The following SLC43A1 variants were observed in gnomAD, a reference collection of about 807,000 sequenced individuals.
The protein encoded by SLC43A1 is large neutral amino acids transporter small subunit 3.
SLC43A1 carries 31 observed loss-of-function variants against 59.5 expected under a neutral mutation model. The ratio of observed to expected loss-of-function variants is 0.52; its 90% CI spans 0.39 to 0.70. The LOEUF (loss-of-function observed/expected upper bound fraction) is 0.70, where lower values mean the gene tolerates loss of function less well. Among genes scored for constraint, SLC43A1 ranks in the 30% least tolerant of loss-of-function variants. The pLI, the probability that SLC43A1 is intolerant of heterozygous loss-of-function variation, is 0.00. For missense variants in SLC43A1, 598 were observed against 717.8 expected (o/e 0.83, Z 1.91); for synonymous variants, 259 against 290.9 (o/e 0.89, Z 1.12).
chr11:57,502,598 C>T (rs1944293875), intron 2 of SLC43A1, among the ~76,000 whole-genome samples: 1 of 152,138 alleles, frequency 6.6e-6, no homozygotes, highest in African/African-American at 2.4e-5. Context: ...AGGCCAGGTG[C>T]AGTAGCTCAC....
chr11:57,494,067 G>T lies in SLC43A1; in HGVS notation c.797C>A (p.Pro266His). 6.2e-7 allele frequency: 1 copy of T among 1,611,506 alleles called. No homozygotes were observed. The highest frequency in any genetic ancestry group is 8.5e-7 in the Non-Finnish European group (1 of 1,178,920). ...GGCATCCGAACCGTCCTCCAGGCTG[G>T]GGGCCTTCTGGCTGAGCCTCTGGCC... ...TMGQRLSQKA[P>H]SLEDGSDAFM... Residue 266 changes from proline (P) to histidine (H), a missense_variant, in exon 8 of 15, where the codon CCC becomes CAC. By Grantham distance (77) the Pro-to-His change is moderately conservative. Transcript: ENST00000278426.
In SLC43A1 at chr11:57,515,173, T is replaced by C; in HGVS notation, c.-14+271A>G. 1.0e-5 allele frequency: 6 copies of C among 600,812 alleles called. No individual in the cohort carries two copies. Among genetic ancestry groups the C allele is most frequent in the Non-Finnish European group, 1.3e-5 (6 of 478,658 alleles). 37.2% of individuals were successfully genotyped at this position (600,812 alleles called of 1,614,324 possible). A position where few individuals can be genotyped will look rare whatever the true frequency, so the allele number is the denominator to read the frequency against. ...CTTTGGGTTCAAGCGCTCCAGGAGG[T>C]CCGCTGGAACTCTGGCAAACGCGCA... is the stretch of plus-strand genomic sequence containing the variant. On this transcript the variant is annotated intron_variant, in intron 1 of 14. Coordinates refer to ENST00000278426, the MANE Select transcript of SLC43A1 (RefSeq NM_003627.6). This position sits in a 1 kb window ranked among gnomAD's most constrained non-coding sequence, Gnocchi z 5.3.
chr11:57,504,162 A>C (rs1182127330), intron 2 of SLC43A1, among the ~76,000 whole-genome samples: 1 of 152,164 alleles, frequency 6.6e-6, no homozygotes, highest in East Asian at 1.9e-4. Flanking sequence ...GCGCCACTGC[A>C]CTCCAGCCTG....
chr11:57,491,780 G>T lies in SLC43A1; in HGVS notation c.954C>A (p.Ile318=). The T allele has an allele frequency of 6.2e-7, 1 of 1,614,238 alleles. No individual in the cohort carries two copies. The highest frequency in any genetic ancestry group is 8.5e-7 in the Non-Finnish European group (1 of 1,180,038). The change falls in exon 9 of 15, where the codon ATC becomes ATA. Residue 318 remains isoleucine (I), a synonymous_variant. Transcript: ENST00000278426. Reference sequence around the variant, plus strand: ...TGTTCACAGCAGCCATGTAGAAGATGATCCGCAGCTGGGTCATGCCCATGG... The same window carrying T: ...TGTTCACAGCAGCCATGTAGAAGATTATCCGCAGCTGGGTCATGCCCATGG... ...LLTMGMTQLR[I]IFYMAAVNKM...
chr11:57,486,640 A>C (rs902482568), intron 14 of SLC43A1, among the ~76,000 whole-genome samples: 17 of 148,810 alleles, frequency 1.1e-4, no homozygotes, highest in Admixed American at 7.4e-4. Context: ...TCTACTAAAA[A>C]TCCAAAAAAA....
chr11:57,510,457 CAAAAAA>C (rs61412196), intron 2 of SLC43A1, among the ~76,000 whole-genome samples: 2 of 25,762 alleles, frequency 7.8e-5, no homozygotes, highest in East Asian at 1.6e-3. Context: ...GACTCCATCT[CAAAAAA>C]AAAAAAAAAA....
chr11:57,508,254 G>A (rs532888655), intron 2 of SLC43A1, among the ~76,000 whole-genome samples: 10 of 141,106 alleles, frequency 7.1e-5, no homozygotes, highest in Non-Finnish European at 1.5e-4. Context: ...GCAACAGAGC[G>A]AGATTCCATC....
intron 14 of SLC43A1, 126 bp from the exon 15 acceptor site, chr11:57,485,368 T>G (rs1943701976): frequency 1.2e-6 from 1 of 857,034 alleles, no homozygotes; most frequent in South Asian, 1.8e-5. Context: ...TAGTACTTAT[T>G]ATGTGTAGTC....
In SLC43A1 at chr11:57,500,912, C is replaced by T. The variant is rs1456843616; in HGVS notation, c.389-57G>A. 1.8e-5 allele frequency: 29 copies of T among 1,605,988 alleles called. No individual in the cohort carries two copies. The East Asian group carries it at 3.1e-4, about 17-fold the overall frequency. ...TTGGGGAGCTGTGGGAAGCCAAGGG[C>T]GGGAGCTGGGGTAAACATCCGCCTT... On this transcript the variant is annotated intron_variant, in intron 4 of 14. Coordinates refer to ENST00000278426, the MANE Select transcript of SLC43A1 (RefSeq NM_003627.6).
At position 57,484,814 on chromosome 11, in the gene SLC43A1, A is replaced by G. The variant is rs577043783; in HGVS notation, c.*282T>C. 2 of 320,632 alleles carry G rather than the reference A, an allele frequency of 6.2e-6. No individual in the cohort carries two copies. Among genetic ancestry groups the G allele is most frequent in the South Asian group, 4.7e-5 (1 of 21,082 alleles). 19.9% of individuals were successfully genotyped at this position (320,632 alleles called of 1,614,324 possible). On this transcript the variant is annotated 3_prime_UTR_variant, in exon 15 of 15. Transcript: ENST00000278426. ...CCAGGAGGCAGACCGCTAGAAGGAG[A>G]TAAGAGGCACCCTGGTCTCCTCCAA...
In SLC43A1 at chr11:57,488,937, C is replaced by A. The variant is rs761325929; in HGVS notation, c.1388G>T (p.Cys463Phe). 2 of 1,614,142 alleles carry A rather than the reference C, an allele frequency of 1.2e-6. No individual in the cohort carries two copies. The highest frequency in any genetic ancestry group is 2.2e-5 in the East Asian group (1 of 44,874). ...TIVRGFFHSA[C>F]GSLYAAVFPS... ...TCACACTGCAGCATAGAGACTCCCA[C>A]AGGCTGAGTGGAAGAAACCTCGAAC... is the stretch of plus-strand genomic sequence containing the variant. The change falls in exon 13 of 15, where the codon TGT becomes TTT. Residue 463 changes from cysteine to phenylalanine, a missense_variant. Transcript: ENST00000278426.
intron 2 of SLC43A1, among the ~76,000 whole-genome samples, chr11:57,502,862 A>C (rs1301896000): frequency 1.3e-5 from 2 of 150,312 alleles, no homozygotes; most frequent in Non-Finnish European, 3.0e-5. Flanking sequence ...TGACAGAGCA[A>C]GGCCCTGTCT....
chr11:57,513,451 A>G (rs1434390856), intron 2 of SLC43A1, among the ~76,000 whole-genome samples: 1 of 152,190 alleles, frequency 6.6e-6, no homozygotes, highest in Admixed American at 6.5e-5. Flanking sequence ...CCACTCACAC[A>G]AGGTGATTGA....
intron 2 of SLC43A1, among the ~76,000 whole-genome samples, chr11:57,511,549 C>T (rs1157364132): frequency 6.6e-6 from 1 of 152,102 alleles, no homozygotes; most frequent in East Asian, 1.9e-4. Context: ...TCAAGTGATC[C>T]TCCTGCCTTA....
rs1468644021 is a variant in SLC43A1, at chr11:57,487,211, A to C, written c.1417T>G (p.Ser473Ala). The change falls in exon 14 of 15, where the codon TCC (serine) becomes GCC (alanine). Residue 473 changes from serine to alanine, a missense_variant. Transcript: ENST00000278426. ...CGSLYAAVFP[S>A]NHFGTLTGLQ... is the part of the protein sequence containing the mutation. ...CCTGTCAGCGTCCCAAAGTGGTTGG[A>C]TGGGAACCTGTCCACGAGACGGGGA... The C allele has an allele frequency of 6.2e-7, 1 of 1,613,098 alleles. No individual in the cohort carries two copies. Among genetic ancestry groups the C allele is most frequent in the Non-Finnish European group, 8.5e-7 (1 of 1,179,298 alleles).
rs1944077653 is a variant in SLC43A1, at chr11:57,496,107, C to A, written c.616G>T (p.Ala206Ser). ...GTGCAGTTCAGAAAGATAAGGCAGG[C>A]CAGGCCAGACCAGGTGAACATGATG... ...VVIMFTWSGL[A>S]CLIFLNCTLN... is the part of the protein sequence containing the mutation. The change falls in exon 7 of 15, where the codon GCC (alanine) becomes TCC (serine). Residue 206 changes from alanine (A) to serine (S), a missense_variant. Transcript: ENST00000278426. The A allele has an allele frequency of 1.9e-6, 3 of 1,614,120 alleles. No homozygotes were observed. The South Asian group carries it at 3.3e-5, about 18-fold the overall frequency.
intron 2 of SLC43A1, among the ~76,000 whole-genome samples, chr11:57,502,905 A>G (rs574459297): frequency 7.2e-5 from 11 of 151,882 alleles, no homozygotes; most frequent in Admixed American, 5.9e-4. Flanking sequence ...AAAAGAAAAG[A>G]AAAAGGAAAC....
At chr11:57,502,614 T>G (rs1944294437) in intron 2 of SLC43A1, among the ~76,000 whole-genome samples, 1 of 152,082 alleles carries the variant, frequency 6.6e-6, no homozygotes, top group Non-Finnish European at 1.5e-5. Context: ...CTCACACCTG[T>G]AATCTCAGGA....
chr11:57,485,585 C>G (rs1241208500), intron 14 of SLC43A1, among the ~76,000 whole-genome samples: 4 of 152,180 alleles, frequency 2.6e-5, no homozygotes, highest in African/African-American at 9.7e-5. Flanking sequence ...ACCCCTCTGA[C>G]CTTTGGAGAT....
Sources: allele counts gnomAD v4.1 joint callset (sites outside exome capture counted in the v4.1 genomes callset), GRCh38; gene constraint gnomAD v4.1.1; non-coding constraint Gnocchi (gnomAD v3.1); transcripts MANE v1.5; gene names NCBI Gene and HGNC (gene_info 2026-07-23, HGNC 2026-07-21).